The following SNX24 variants were observed in gnomAD, a reference collection of about 807,000 sequenced individuals.
The protein encoded by SNX24 is sorting nexin-24.
SNX24 carries 22 observed loss-of-function variants against 28.7 expected under a neutral mutation model. That is an observed-to-expected ratio of 0.77 (90% confidence interval 0.55 to 1.10). SNX24 has a LOEUF of 1.10. Among genes scored for constraint, SNX24 ranks in the 50% least tolerant of loss-of-function variants. SNX24 has a pLI of 0.00. For synonymous variants in SNX24, 69 were observed against 71.5 expected (o/e 0.96, Z 0.18); for missense variants, 221 against 201.1 (o/e 1.10, Z -0.60).
rs538089844 is a variant in SNX24, at chr5:122,935,046, A to G, written c.61-1688A>G. 4.7e-4 allele frequency among the ~76,000 whole-genome samples: 72 copies of G among 152,308 alleles called. 1 individual carries two copies. In the South Asian group the frequency reaches 5.6e-3, roughly 12 times the overall value. Reference sequence around the variant, plus strand: ...TAGGTAGAGCCTTGCCGAGTTTTCAACCGTCTCCCTGTTTTATAGATTCTG... The same window carrying G: ...TAGGTAGAGCCTTGCCGAGTTTTCAGCCGTCTCCCTGTTTTATAGATTCTG... On this transcript the variant is annotated intron_variant, in intron 1 of 6. Coordinates refer to ENST00000261369, the MANE Select transcript of SNX24 (RefSeq NM_014035.4).
chr5:122,969,258 G>A (rs996711474), intron 3 of SNX24, among the ~76,000 whole-genome samples: 4 of 152,070 alleles, frequency 2.6e-5, no homozygotes, highest in African/African-American at 9.7e-5. Flanking sequence ...CTTGTGGGGT[G>A]TAAGTGGTGG....
chr5:122,861,398 G>A (rs1321748296), intron 1 of SNX24, among the ~76,000 whole-genome samples: 2 of 152,164 alleles, frequency 1.3e-5, no homozygotes, highest in African/African-American at 4.8e-5. Flanking sequence ...TACTTAGCTA[G>A]CACTGTAACT....
intron 1 of SNX24, among the ~76,000 whole-genome samples, chr5:122,859,562 A>G (rs926649462): frequency 3.0e-4 from 45 of 152,180 alleles, no homozygotes; most frequent in African/African-American, 1.1e-3. Context: ...TGATCAATCT[A>G]CTGCACCCTA....
intron 3 of SNX24, chr5:122,965,377 T>G: frequency 2.2e-6 from 1 of 445,216 alleles, no homozygotes; most frequent in Non-Finnish European, 4.5e-6. Context: ...AGCCTGAGTT[T>G]AAAGAGTCAG....
chr5:122,962,108 G>T (rs1760511031), intron 3 of SNX24, among the ~76,000 whole-genome samples: 1 of 152,024 alleles, frequency 6.6e-6, no homozygotes, highest in South Asian at 2.1e-4. Context: ...AGTTTTTAAG[G>T]CCTGCATTAT....
At chr5:123,001,331 T>G (rs1762237321) in intron 4 of SNX24, 74 bp from the exon 5 acceptor site, 1 of 996,722 alleles carries the variant, frequency 1.0e-6, no homozygotes, top group Admixed American at 2.1e-5. Context: ...ATTGGGTATT[T>G]TTTCCTTTGT....
At chr5:122,965,721 C>T (rs1003631609) in intron 3 of SNX24, among the ~76,000 whole-genome samples, 4 of 152,094 alleles carry the variant, frequency 2.6e-5, no homozygotes, top group South Asian at 2.1e-4. Flanking sequence ...TCTGGACCTT[C>T]GGAAATCTAA....
At chr5:122,989,743 T>C (rs1761753050) in intron 3 of SNX24, among the ~76,000 whole-genome samples, 2 of 152,152 alleles carry the variant, frequency 1.3e-5, no homozygotes, top group Non-Finnish European at 2.9e-5. Flanking sequence ...CAGAAAAGGG[T>C]ATATTCATTC....
At chr5:122,938,195 G>C (rs955899539) in intron 2 of SNX24, among the ~76,000 whole-genome samples, 1 of 152,118 alleles carries the variant, frequency 6.6e-6, no homozygotes, top group Non-Finnish European at 1.5e-5. Context: ...GAGGCTGCCC[G>C]TGCTTCTGGA....
chr5:122,845,815 C>A (rs1754597737), intron 1 of SNX24, 122 bp downstream of exon 1: 1 of 484,528 alleles, frequency 2.1e-6, no homozygotes, highest in East Asian at 3.8e-5. Flanking sequence ...TCTCCCCTCC[C>A]CCGGCCCAGA....
intron 1 of SNX24, among the ~76,000 whole-genome samples, chr5:122,886,202 A>G (rs1756706739): frequency 6.6e-6 from 1 of 152,178 alleles, no homozygotes; most frequent in Admixed American, 6.5e-5. Flanking sequence ...AAAGACATAC[A>G]ATTGATTCTT....
chr5:122,930,807 A>C (rs977131104), intron 1 of SNX24, among the ~76,000 whole-genome samples: 6 of 152,322 alleles, frequency 3.9e-5, no homozygotes, highest in African/African-American at 1.4e-4. Flanking sequence ...ACACACATAC[A>C]TTTAATCACG....
downstream of SNX24, among the ~76,000 whole-genome samples, chr5:123,011,164 A>G: frequency 6.6e-6 from 1 of 152,198 alleles, no homozygotes; most frequent in Non-Finnish European, 1.5e-5. Context: ...TTCACAGGCA[A>G]TAGAGAAGTA....
chr5:123,021,626 CTT>C, intron 5 of SNX24, among the ~76,000 whole-genome samples: 1 of 152,132 alleles, frequency 6.6e-6, no homozygotes, highest in Non-Finnish European at 1.5e-5. Flanking sequence ...AAAAATTCTC[CTT>C]ATAGCAGATA....
intron 3 of SNX24, among the ~76,000 whole-genome samples, chr5:122,990,191 C>T (rs1393407224): frequency 2.6e-5 from 4 of 152,176 alleles, no homozygotes; most frequent in African/African-American, 4.8e-5. Context: ...ACTCTCTAAC[C>T]ATTTCCCACT....
intron 1 of SNX24, among the ~76,000 whole-genome samples, chr5:122,900,308 A>G (rs548303644): frequency 6.6e-6 from 1 of 152,210 alleles, no homozygotes; most frequent in Non-Finnish European, 1.5e-5. Context: ...ATCACCTCAC[A>G]TAGTTACAAT....
chr5:123,012,031 G>C (rs401226), downstream of SNX24, among the ~76,000 whole-genome samples: 1 of 151,982 alleles, frequency 6.6e-6, no homozygotes, highest in South Asian at 2.1e-4. Context: ...GTGAGTGCTC[G>C]TGAGATCTGA....
At chr5:122,871,290 T>C (rs1755965447) in intron 1 of SNX24, among the ~76,000 whole-genome samples, 1 of 152,176 alleles carries the variant, frequency 6.6e-6, no homozygotes, top group African/African-American at 2.4e-5. Context: ...GTGATTTTAA[T>C]TTGTAGCTAA....
At chr5:122,989,616 T>C (rs927393113) in intron 3 of SNX24, among the ~76,000 whole-genome samples, 2 of 152,226 alleles carry the variant, frequency 1.3e-5, no homozygotes, top group Admixed American at 6.5e-5. Flanking sequence ...CTCTTTGTTA[T>C]TTTTAGCTTG....
Sources: allele counts gnomAD v4.1 joint callset (sites outside exome capture counted in the v4.1 genomes callset), GRCh38; gene constraint gnomAD v4.1.1; transcripts MANE v1.5; gene names NCBI Gene and HGNC (gene_info 2026-07-23, HGNC 2026-07-21).